The following CDCA7L variants were observed in gnomAD, a reference collection of about 807,000 sequenced individuals.
CDCA7L encodes the protein cell division cycle associated 7 like, also known as cell division cycle-associated 7-like protein.
A neutral mutation model predicts 57.4 loss-of-function variants in CDCA7L; 44 were observed. The observed-to-expected ratio is 0.77, with a 90% confidence interval of 0.60 to 0.98. The LOEUF (loss-of-function observed/expected upper bound fraction) is 0.98, where lower values mean the gene tolerates loss of function less well. Ranked by LOEUF, CDCA7L falls within the 50% of genes least tolerant of loss-of-function variation. CDCA7L has a pLI of 0.00. For synonymous variants in CDCA7L, 236 were observed against 202.8 expected (o/e 1.16, Z -1.39); for missense variants, 644 against 580.6 (o/e 1.11, Z -1.12).
At chr7:21,918,914 G>C (rs1785572738) in intron 1 of CDCA7L, among the ~76,000 whole-genome samples, 1 of 152,166 alleles carries the variant, frequency 6.6e-6, no homozygotes, top group Admixed American at 6.5e-5. Flanking sequence ...AGTGAGACTT[G>C]AGATTCTGTG....
intron 1 of CDCA7L, chr7:21,944,932 G>C (rs1407934518): frequency 6.6e-6 from 1 of 151,576 alleles, no homozygotes; most frequent in East Asian, 1.9e-4. Flanking sequence ...ACAAGCAGAG[G>C]CGTGGCTGCT....
At chr7:21,913,763 G>C (rs997058271) in intron 2 of CDCA7L, among the ~76,000 whole-genome samples, 2 of 152,182 alleles carry the variant, frequency 1.3e-5, no homozygotes, top group African/African-American at 4.8e-5. Context: ...CTGTGTGCTG[G>C]CCTCCCAGGG....
chr7:21,908,078 C>G (rs992948057), intron 4 of CDCA7L, 52 bp downstream of exon 4: 9 of 1,490,334 alleles, frequency 6.0e-6, no homozygotes, highest in Middle Eastern at 4.4e-4. Flanking sequence ...AGCCCAGCAA[C>G]TGCTGCCAGA....
Position 21,901,987 on chromosome 7 carries a change from A to AGGAGCTGATCATACAATGTTTT in CDCA7L, c.*313_*334dup. On this transcript the variant is annotated 3_prime_UTR_variant, in exon 10 of 10. Coordinates refer to ENST00000406877, the MANE Select transcript of CDCA7L (RefSeq NM_018719.5). ...AGCCAAAGATAGATAGATCAAGTGC[A>AGGAGCTGATCATACAATGTTTT]GGAGCTGATCATACAATGTTTTCTC... 1 of 318,278 alleles carries AGGAGCTGATCATACAATGTTTT rather than the reference A, an allele frequency of 3.1e-6. No homozygotes were observed. The highest frequency in any genetic ancestry group is 6.3e-5 in the East Asian group (1 of 15,818). The allele number at this position is 318,278 out of a possible 1,614,324, so 19.7% of individuals were successfully genotyped here.
chr7:21,922,245 A>G (rs1315827499), intron 1 of CDCA7L, among the ~76,000 whole-genome samples: 1 of 152,194 alleles, frequency 6.6e-6, no homozygotes, highest in African/African-American at 2.4e-5. Context: ...GGTTTCCCTT[A>G]TAAGCCATAC....
At position 21,901,119 on chromosome 7, in the gene CDCA7L, C is replaced by G; in HGVS notation, c.*1203G>C. On this transcript the variant is annotated 3_prime_UTR_variant, in exon 10 of 10. Transcript: ENST00000406877. ...CCACCCCCGTGGACAGACAAGAAAC[C>G]AAACAGACCTACGAGTGCCCTGTGT... 6.2e-7 allele frequency: 1 copy of G among 1,613,386 alleles called. No homozygotes were observed. Among genetic ancestry groups the G allele is most frequent in the African/African-American group, 1.3e-5 (1 of 75,004 alleles).
intron 1 of CDCA7L, among the ~76,000 whole-genome samples, chr7:21,934,460 A>G (rs1232947660): frequency 6.6e-6 from 1 of 152,174 alleles, no homozygotes; most frequent in Non-Finnish European, 1.5e-5. Context: ...TGCCAATACT[A>G]AGCAATCAAC....
Position 21,901,402 on chromosome 7 carries a change from GAAA to G in CDCA7L, c.*917_*919del. The G allele has an allele frequency of 8.7e-7, 1 of 1,154,722 alleles. No individual in the cohort carries two copies. The highest frequency in any genetic ancestry group is 2.9e-5 in the East Asian group (1 of 34,010). 71.5% of individuals were successfully genotyped at this position (1,154,722 alleles called of 1,614,324 possible). A position where few individuals can be genotyped will look rare whatever the true frequency, so the allele number is the denominator to read the frequency against. The stretch of plus-strand genomic sequence containing the variant: ...AACGCTATCCTTAGAGTGAAAGTCA[GAAA>G]AAAATACTAGAAACTAACTCAGGGC... On this transcript the variant is annotated 3_prime_UTR_variant, in exon 10 of 10. Coordinates refer to ENST00000406877, the MANE Select transcript of CDCA7L (RefSeq NM_018719.5).
chr7:21,910,160 G>A (rs889989229), intron 3 of CDCA7L, among the ~76,000 whole-genome samples: 1 of 152,216 alleles, frequency 6.6e-6, no homozygotes, highest in African/African-American at 2.4e-5. Context: ...AAATGCAAAT[G>A]CTTCGAATAA....
intron 1 of CDCA7L, among the ~76,000 whole-genome samples, chr7:21,940,056 C>A: frequency 6.6e-6 from 1 of 151,794 alleles, no homozygotes. Context: ...TGTCCTCACA[C>A]CAGAACCTGG....
intron 2 of CDCA7L, among the ~76,000 whole-genome samples, chr7:21,915,877 G>T (rs1245157680): frequency 6.6e-6 from 1 of 151,996 alleles, no homozygotes; most frequent in East Asian, 1.9e-4. Flanking sequence ...TAACAGAGAG[G>T]AAGAAACCCA....
chr7:21,932,512 T>C (rs1457344426), intron 1 of CDCA7L, among the ~76,000 whole-genome samples: 3 of 152,142 alleles, frequency 2.0e-5, no homozygotes, highest in African/African-American at 7.2e-5. Flanking sequence ...TCTACAGCCA[T>C]CTGATCTTTG....
At position 21,902,297 on chromosome 7, in the gene CDCA7L, G is replaced by A. The variant is rs752648137; in HGVS notation, c.*25C>T. ...TCTTGTTGGAGTACTCTATGGTGAG[G>A]TGGCTGGTTCTGTTTGTTTTCCTCT... On this transcript the variant is annotated 3_prime_UTR_variant, in exon 10 of 10. Coordinates refer to ENST00000406877, the MANE Select transcript of CDCA7L (RefSeq NM_018719.5). 5.6e-6 allele frequency: 9 copies of A among 1,609,304 alleles called. No individual in the cohort carries two copies. In the South Asian group the frequency reaches 7.7e-5, roughly 14 times the overall value.
chr7:21,902,393 T>C, intron 9 of CDCA7L, 41 bp from the exon 10 acceptor site: 1 of 1,583,408 alleles, frequency 6.3e-7, no homozygotes, highest in African/African-American at 1.3e-5. Context: ...GTAGTACAAA[T>C]ACACAAATGG....
At chr7:21,937,507 A>G (rs1367899893) in intron 1 of CDCA7L, among the ~76,000 whole-genome samples, 2 of 151,994 alleles carry the variant, frequency 1.3e-5, no homozygotes, top group Non-Finnish European at 2.9e-5. Context: ...GCATGGCAGC[A>G]TGTGCCTGTA....
chr7:21,902,760 G>A (rs111274861), intron 9 of CDCA7L: 1 of 531,562 alleles, frequency 1.9e-6, no homozygotes. Context: ...AGGCAACGTG[G>A]AGTTGAGTTG....
chr7:21,930,601 G>A (rs1785976031), intron 1 of CDCA7L, among the ~76,000 whole-genome samples: 1 of 148,050 alleles, frequency 6.8e-6, no homozygotes, highest in African/African-American at 2.5e-5. Context: ...GGAGGCTGAG[G>A]CAAAAAGAAT....
At chr7:21,919,618 C>T (rs1785592511) in intron 1 of CDCA7L, among the ~76,000 whole-genome samples, 1 of 152,146 alleles carries the variant, frequency 6.6e-6, no homozygotes, top group African/African-American at 2.4e-5. Context: ...TGGTGACACC[C>T]TGAATTCAAA....
At chr7:21,920,779 G>A (rs1785625674) in intron 1 of CDCA7L, among the ~76,000 whole-genome samples, 1 of 152,138 alleles carries the variant, frequency 6.6e-6, no homozygotes, top group Non-Finnish European at 1.5e-5. Flanking sequence ...GAACTAATAC[G>A]CAAGGAAAAC....
Sources: gnomAD v4.1 joint callset for allele counts (sites outside exome capture counted in the v4.1 genomes callset) on GRCh38, gnomAD v4.1.1 for gene constraint, MANE v1.5 for transcripts, NCBI Gene and HGNC (gene_info 2026-07-23, HGNC 2026-07-21) for gene names.